The following MYPN variants were observed in gnomAD, a reference collection of about 807,000 sequenced individuals.
MYPN encodes sarcomeric protein myopalladin, 145 kDa (MYOP).
In MYPN, 63 loss-of-function variants were observed where a neutral mutation model predicts 129.4. That is an observed-to-expected ratio of 0.49 (90% CI 0.40 to 0.60). The LOEUF is 0.60. Ranked by LOEUF, MYPN falls within the 20% of genes least tolerant of loss-of-function variation. The probability of loss-of-function intolerance (pLI) is 0.00; values close to 1 mark genes in which losing one functional copy is unlikely to be tolerated. For missense variants in MYPN, 1,596 were observed against 1,635.4 expected (o/e 0.98, Z 0.42); for synonymous variants, 629 against 600.9 (o/e 1.05, Z -0.68).
chr10:68,099,594 C>T (rs1326016842), intron 1 of MYPN, among the ~76,000 whole-genome samples: 2 of 151,632 alleles, frequency 1.3e-5, no homozygotes, highest in Non-Finnish European at 2.9e-5. Flanking sequence ...GAGCCAAGAT[C>T]GTGCCACTGC....
intron 2 of MYPN, among the ~76,000 whole-genome samples, chr10:68,126,722 G>A (rs1027624890): frequency 1.2e-4 from 19 of 152,190 alleles, no homozygotes; most frequent in Non-Finnish European, 2.2e-4. Context: ...GGGGTCTCCA[G>A]CATGGACTGA....
At chr10:68,128,126 A>G (rs2042354355) in intron 2 of MYPN, among the ~76,000 whole-genome samples, 1 of 152,204 alleles carries the variant, frequency 6.6e-6, no homozygotes, top group South Asian at 2.1e-4. Flanking sequence ...TCTTGGACAT[A>G]GCTTCATTGG....
At chr10:68,184,886 G>A (rs2043395956) in intron 12 of MYPN, among the ~76,000 whole-genome samples, 8 of 152,166 alleles carry the variant, frequency 5.3e-5, no homozygotes, top group Admixed American at 4.6e-4. Flanking sequence ...GGAGGACCAG[G>A]ATCTGTAGCA....
Position 68,197,570 on chromosome 10 carries a change from T to C in MYPN, c.3285+92T>C, listed in dbSNP as rs557189772. The C allele has an allele frequency of 1.9e-6, 3 of 1,559,576 alleles. No individual in the cohort carries two copies. The South Asian group carries it at 3.5e-5, about 18-fold the overall frequency. Reference sequence around the variant, plus strand: ...TATTTGTATTTGTTTTGTGGGTTTTTTTTTTCAGGAAAGATGAGATGGGGA... The same window carrying C: ...TATTTGTATTTGTTTTGTGGGTTTTCTTTTTCAGGAAAGATGAGATGGGGA... On this transcript the variant is annotated intron_variant, in intron 16 of 19. Coordinates refer to ENST00000358913, the MANE Select transcript of MYPN (RefSeq NM_032578.4).
intron 8 of MYPN, among the ~76,000 whole-genome samples, chr10:68,163,120 C>T (rs2043003123): frequency 6.6e-6 from 1 of 152,088 alleles, no homozygotes. Flanking sequence ...TATAGTGAGC[C>T]TCCCACCTCT....
At chr10:68,154,390 C>T (rs920429771) in intron 6 of MYPN, among the ~76,000 whole-genome samples, 1 of 152,128 alleles carries the variant, frequency 6.6e-6, no homozygotes, top group Admixed American at 6.5e-5. Flanking sequence ...GCAGGGGAAG[C>T]GAGAATTTGA....
upstream of MYPN, among the ~76,000 whole-genome samples, chr10:68,101,253 A>C (rs2041980513): frequency 6.6e-6 from 1 of 152,256 alleles, no homozygotes; most frequent in South Asian, 2.1e-4. Context: ...GTAGTTGTTT[A>C]ATTACATAAG....
intron 12 of MYPN, among the ~76,000 whole-genome samples, chr10:68,182,719 G>A (rs2043357742): frequency 6.6e-6 from 1 of 151,798 alleles, no homozygotes; most frequent in Non-Finnish European, 1.5e-5. Flanking sequence ...CATTGGACTG[G>A]CTGGTCCCAA....
chr10:68,159,594 G>T (rs534134786), intron 7 of MYPN, among the ~76,000 whole-genome samples: 38 of 152,168 alleles, frequency 2.5e-4, no homozygotes, highest in African/African-American at 8.7e-4. Context: ...CTTTCACCTT[G>T]TCATGCAGTG....
At chr10:68,135,569 T>A in intron 2 of MYPN, 1 of 759,008 alleles carries the variant, frequency 1.3e-6, no homozygotes, top group Non-Finnish European at 1.6e-6. Flanking sequence ...ATTCTTCACT[T>A]AAGAGATCAA....
chr10:68,106,770 G>A (rs2133952403), upstream of MYPN: 1 of 717,310 alleles, frequency 1.4e-6, no homozygotes. Context: ...AGAACTTCCA[G>A]ATTCCTTGGC....
At position 68,210,747 on chromosome 10, in the gene MYPN, C is replaced by T. The variant is rs1224829774; in HGVS notation, c.*292C>T. On this transcript the variant is annotated 3_prime_UTR_variant, in exon 20 of 20. Coordinates refer to ENST00000358913, the MANE Select transcript of MYPN (RefSeq NM_032578.4). ...CTTTGGGAAAAAACTAGCATGCTCC[C>T]CTGCTCCCTGTTGTGTTAGGGATGT... 5.8e-6 allele frequency: 3 copies of T among 517,146 alleles called. No individual in the cohort carries two copies. The highest frequency in any genetic ancestry group is 7.5e-6 in the Non-Finnish European group (2 of 267,928). 32.0% of individuals were successfully genotyped at this position (517,146 alleles called of 1,614,324 possible).
At chr10:68,098,289 A>G (rs766729872) in intron 1 of MYPN, among the ~76,000 whole-genome samples, 3 of 151,920 alleles carry the variant, frequency 2.0e-5, no homozygotes, top group African/African-American at 7.3e-5. Flanking sequence ...ATGCTTATCT[A>G]TTTTTTTATT....
intron 2 of MYPN, among the ~76,000 whole-genome samples, chr10:68,128,622 A>G (rs918706172): frequency 6.6e-6 from 1 of 152,228 alleles, no homozygotes. Context: ...CATAGAGTAT[A>G]GTAAGGAACA....
At chr10:68,158,255 A>G (rs1296058857) in intron 6 of MYPN, 1 of 516,634 alleles carries the variant, frequency 1.9e-6, no homozygotes, top group Non-Finnish European at 3.5e-6. Flanking sequence ...AGGAGGACCA[A>G]TCTTAGGTCA....
At chr10:68,145,074 G>C (rs2042639738) in intron 3 of MYPN, among the ~76,000 whole-genome samples, 1 of 151,664 alleles carries the variant, frequency 6.6e-6, no homozygotes, top group East Asian at 1.9e-4. Flanking sequence ...GCCCAGGCTG[G>C]AGTGCAATGG....
intron 6 of MYPN, among the ~76,000 whole-genome samples, chr10:68,151,212 T>C (rs2042764597): frequency 6.6e-6 from 1 of 152,200 alleles, no homozygotes; most frequent in Non-Finnish European, 1.5e-5. Flanking sequence ...AATCCACAGC[T>C]TCTACAGAAG....
At chr10:68,151,842 G>C (rs2042777023) in intron 6 of MYPN, among the ~76,000 whole-genome samples, 2 of 152,186 alleles carry the variant, frequency 1.3e-5, no homozygotes, top group South Asian at 4.1e-4. Context: ...TCTATGTCTA[G>C]GAAAAGAGTC....
Position 68,206,917 on chromosome 10 carries a change from T to C in MYPN, c.3793+14T>C. The C allele has an allele frequency of 6.2e-7, 1 of 1,614,110 alleles. No homozygotes were observed. Among genetic ancestry groups the C allele is most frequent in the South Asian group, 1.1e-5 (1 of 91,076 alleles). On this transcript the variant is annotated intron_variant, in intron 19 of 19. Coordinates refer to ENST00000358913, the MANE Select transcript of MYPN (RefSeq NM_032578.4). ...TGGATATATACGGTAAGTGTAATGCTGTTAGTTGAACATCTGTATGCAACT... is the reference window on the plus strand; with the variant it reads ...TGGATATATACGGTAAGTGTAATGCCGTTAGTTGAACATCTGTATGCAACT...
Sources: allele counts gnomAD v4.1 joint callset (sites outside exome capture counted in the v4.1 genomes callset), GRCh38; gene constraint gnomAD v4.1.1; transcripts MANE v1.5; gene names NCBI Gene and HGNC (gene_info 2026-07-23, HGNC 2026-07-21).